DCC: variants seen among roughly 807,000 people sequenced by gnomAD.
The protein encoded by DCC is DCC netrin 1 receptor.
A neutral mutation model predicts 172.5 loss-of-function variants in DCC; 58 were observed. That is an observed-to-expected ratio of 0.34 (90% CI 0.27 to 0.42). The LOEUF is 0.42. Among genes scored for constraint, DCC ranks in the 10% least tolerant of loss-of-function variants. The pLI, the probability that DCC is intolerant of heterozygous loss-of-function variation, is 1.00. For missense variants in DCC, 1,740 were observed against 1,791.0 expected, an observed-to-expected ratio of 0.97 and a Z score of 0.51; for synonymous variants, 709 against 644.5, an observed-to-expected ratio of 1.10 and a Z score of -1.52.
intron 25 of DCC, among the ~76,000 whole-genome samples, chr18:53,477,183 AT>A (rs1283169711): frequency 6.6e-6 from 1 of 151,856 alleles, no homozygotes; most frequent in African/African-American, 2.4e-5. Context: ...TAGTTTTTGT[AT>A]TTTTTGAAGA....
chr18:53,150,956 T>C (rs1568333096), intron 7 of DCC, among the ~76,000 whole-genome samples: 2 of 152,086 alleles, frequency 1.3e-5, no homozygotes, highest in African/African-American at 2.4e-5. Flanking sequence ...ATAGCTGATA[T>C]GGAAGGAGTA....
intron 2 of DCC, among the ~76,000 whole-genome samples, chr18:52,808,659 G>T (rs754049824): frequency 7.2e-5 from 11 of 152,132 alleles, no homozygotes; most frequent in Non-Finnish European, 1.5e-4. Context: ...AGTGTCTCCT[G>T]CCACCTGCCA....
chr18:53,053,439 C>T (rs981006216), intron 5 of DCC, among the ~76,000 whole-genome samples: 1 of 151,998 alleles, frequency 6.6e-6, no homozygotes, highest in South Asian at 2.1e-4. Flanking sequence ...GATGTATATA[C>T]TAGGATTTAC....
At chr18:52,836,619 T>G (rs529453982) in intron 2 of DCC, among the ~76,000 whole-genome samples, 37 of 152,330 alleles carry the variant, frequency 2.4e-4, no homozygotes, top group African/African-American at 8.4e-4. Context: ...CACGTGCAGG[T>G]CTTGCTGATG....
intron 1 of DCC, among the ~76,000 whole-genome samples, chr18:52,346,852 G>A (rs1023822967): frequency 5.9e-5 from 9 of 152,058 alleles, no homozygotes; most frequent in Admixed American, 1.3e-4. Context: ...CTTCTACTTC[G>A]TGATATACTT....
At chr18:52,619,934 AT>A (rs1430717315) in intron 1 of DCC, among the ~76,000 whole-genome samples, 1 of 152,202 alleles carries the variant, frequency 6.6e-6, no homozygotes, top group Non-Finnish European at 1.5e-5. Context: ...GATTATTAAA[AT>A]TACTACGTAC....
chr18:52,618,373 C>T (rs957106639), intron 1 of DCC, among the ~76,000 whole-genome samples: 3 of 152,144 alleles, frequency 2.0e-5, no homozygotes, highest in Non-Finnish European at 2.9e-5. Context: ...ATATAATCCC[C>T]TCCATGGTTG....
intron 7 of DCC, among the ~76,000 whole-genome samples, chr18:53,106,930 T>C (rs2043257238): frequency 6.6e-6 from 1 of 151,938 alleles, no homozygotes; most frequent in African/African-American, 2.4e-5. Flanking sequence ...AGAATCTGTA[T>C]TATTATCTTT....
chr18:53,152,490 A>T (rs1238619766), intron 7 of DCC, among the ~76,000 whole-genome samples: 2 of 152,190 alleles, frequency 1.3e-5, no homozygotes, highest in African/African-American at 2.4e-5. Context: ...TGGCTTCAAA[A>T]CTATGAATAT....
intron 15 of DCC, among the ~76,000 whole-genome samples, chr18:53,368,542 C>T (rs1260600174): frequency 6.6e-6 from 1 of 151,988 alleles, no homozygotes; most frequent in Non-Finnish European, 1.5e-5. Flanking sequence ...GAATTTTTGC[C>T]TGATGTTTTC....
At position 53,086,475 on chromosome 18, in the gene DCC, TTTC is replaced by T. The variant is rs746301261; in HGVS notation, c.1261+20321_1261+20323del. Among the ~76,000 whole-genome samples the T allele has an allele frequency of 8.3e-3, 405 of 48,964 alleles. 110 individuals are homozygous for T. The highest frequency in any genetic ancestry group is 0.02 in the South Asian group (43 of 2,198). 32.1% of individuals were successfully genotyped at this position (48,964 alleles called of 152,430 possible). Reference sequence around the variant, plus strand: ...CCTTTCTTCTTCTTCTTCTTCTTCCTTTCTTCTTCTTCTTTCTTCTTCTTCCTT... The same window carrying T: ...CCTTTCTTCTTCTTCTTCTTCTTCCTTTCTTCTTCTTTCTTCTTCTTCCTT... On this transcript the variant is annotated intron_variant, in intron 7 of 28. Coordinates refer to ENST00000442544, the MANE Select transcript of DCC (RefSeq NM_005215.4).
At chr18:53,422,230 A>C (rs182267631) in intron 21 of DCC, among the ~76,000 whole-genome samples, 2 of 152,254 alleles carry the variant, frequency 1.3e-5, no homozygotes, top group East Asian at 3.9e-4. Flanking sequence ...AGCACCAATT[A>C]ACTTACTTTC....
chr18:53,216,508 T>G (rs1232439106), intron 12 of DCC, among the ~76,000 whole-genome samples: 4 of 152,182 alleles, frequency 2.6e-5, no homozygotes, highest in African/African-American at 9.6e-5. Context: ...CCTCTTTCTA[T>G]GTTTAAGTAT....
At chr18:53,017,881 T>C (rs1430353984) in intron 5 of DCC, among the ~76,000 whole-genome samples, 1 of 152,118 alleles carries the variant, frequency 6.6e-6, no homozygotes, top group East Asian at 1.9e-4. Context: ...AGTTTCCCCA[T>C]GTCAATTTCT....
At chr18:52,619,387 C>T (rs917867683) in intron 1 of DCC, among the ~76,000 whole-genome samples, 4 of 152,180 alleles carry the variant, frequency 2.6e-5, no homozygotes, top group Non-Finnish European at 4.4e-5. Context: ...AAACATTAAA[C>T]TTGAACATGG....
At chr18:52,374,297 G>C (rs1241038055) in intron 1 of DCC, among the ~76,000 whole-genome samples, 1 of 152,014 alleles carries the variant, frequency 6.6e-6, no homozygotes, top group African/African-American at 2.4e-5. Flanking sequence ...TTTTTACTGA[G>C]GATATCTATT....
intron 7 of DCC, among the ~76,000 whole-genome samples, chr18:53,084,423 T>C (rs970246723): frequency 6.6e-6 from 1 of 152,208 alleles, no homozygotes; most frequent in African/African-American, 2.4e-5. Context: ...TTGGAGGAAA[T>C]AAATATTAAA....
chr18:53,156,847 C>T (rs1305849662), intron 7 of DCC, among the ~76,000 whole-genome samples: 1 of 152,168 alleles, frequency 6.6e-6, no homozygotes, highest in Non-Finnish European at 1.5e-5. Flanking sequence ...CATATTTTTA[C>T]TTATTCAACC....
At chr18:52,368,378 G>A (rs531918441) in intron 1 of DCC, among the ~76,000 whole-genome samples, 101 of 152,206 alleles carry the variant, frequency 6.6e-4, no homozygotes, top group Admixed American at 7.2e-4. Flanking sequence ...ATGAATGGGG[G>A]ACAAGAAGAC....
Sources: gnomAD v4.1 joint callset for allele counts (sites outside exome capture counted in the v4.1 genomes callset) on GRCh38, gnomAD v4.1.1 for gene constraint, MANE v1.5 for transcripts, NCBI Gene and HGNC (gene_info 2026-07-23, HGNC 2026-07-21) for gene names.